MDH1B: variants seen among roughly 807,000 people sequenced by gnomAD.
MDH1B encodes the protein putative malate dehydrogenase 1B.
Under a neutral mutation model 61.4 loss-of-function variants are expected in MDH1B, and 60 were observed. That is an observed-to-expected ratio of 0.98 (90% CI 0.79 to 1.21). The LOEUF is 1.21. Among genes scored for constraint, MDH1B ranks in the 50% most tolerant of loss-of-function variants. The pLI, the probability that MDH1B is intolerant of heterozygous loss-of-function variation, is 0.00. For missense variants in MDH1B, 587 were observed against 632.1 expected (o/e 0.93, Z 0.76); for synonymous variants, 236 against 218.7 (o/e 1.08, Z -0.70).
intron 2 of MDH1B, among the ~76,000 whole-genome samples, chr2:206,759,794 G>A (rs1377382631): frequency 1.3e-5 from 2 of 152,168 alleles, no homozygotes; most frequent in Non-Finnish European, 2.9e-5. Context: ...TGAAACAATA[G>A]AGGCCAGTGG....
At position 206,757,028 on chromosome 2, in the gene MDH1B, CA is replaced by C. The variant is rs1559346864; in HGVS notation, c.282del (p.Asp94GlufsTer6). On this transcript the variant is annotated frameshift_variant, in exon 4 of 12. Transcript: ENST00000374412. LOFTEE classifies it high-confidence loss of function. ...EFLEHAQLYY[D>X]VTSSMTTELM... ...AGTTCAGTCGTCATGCTAGAGGTGA[CA>C]TCATAGTAAAGCTAAATATTGGGAG... 2.5e-6 allele frequency: 4 copies of C among 1,613,218 alleles called. No homozygotes were observed. The highest frequency in any genetic ancestry group is 2.5e-6 in the Non-Finnish European group (3 of 1,179,462).
chr2:206,738,417 T>G lies in MDH1B; in HGVS notation c.*66A>C. On this transcript the variant is annotated 3_prime_UTR_variant, in exon 12 of 12. Coordinates refer to ENST00000374412, the MANE Select transcript of MDH1B (RefSeq NM_001039845.3). ...ATTATTCTTCCTTAAATATAGACATTCATATAAATTCTTTCTATGTTTATT... is the reference window on the plus strand; with the variant it reads ...ATTATTCTTCCTTAAATATAGACATGCATATAAATTCTTTCTATGTTTATT... 8.6e-7 allele frequency: 1 copy of G among 1,156,436 alleles called. No homozygotes were observed. Among genetic ancestry groups the G allele is most frequent in the Non-Finnish European group, 1.2e-6 (1 of 802,146 alleles). 71.6% of individuals were successfully genotyped at this position (1,156,436 alleles called of 1,614,324 possible).
At chr2:206,759,971 T>C (rs1688996591) in intron 2 of MDH1B, among the ~76,000 whole-genome samples, 1 of 152,214 alleles carries the variant, frequency 6.6e-6, no homozygotes, top group Admixed American at 6.5e-5. Context: ...CCTGAAACTA[T>C]GAGCAGTGGA....
At chr2:206,762,616 C>T (rs867734087) in intron 1 of MDH1B, among the ~76,000 whole-genome samples, 4 of 152,190 alleles carry the variant, frequency 2.6e-5, no homozygotes, top group African/African-American at 4.8e-5. Context: ...TATTGCCTTT[C>T]GTATGTCCTT....
chr2:206,751,622 A>G (rs904467416), intron 5 of MDH1B, among the ~76,000 whole-genome samples: 1 of 152,198 alleles, frequency 6.6e-6, no homozygotes, highest in Admixed American at 6.5e-5. Context: ...ATTCTATTCT[A>G]TGTGTGAGAC....
At chr2:206,755,781 C>A (rs1245496291) in intron 4 of MDH1B, among the ~76,000 whole-genome samples, 2 of 152,010 alleles carry the variant, frequency 1.3e-5, no homozygotes, top group African/African-American at 2.4e-5. Context: ...TCCCCCTATG[C>A]AGAAATCAAA....
Position 206,756,917 on chromosome 2 carries a change from AG to A in MDH1B, c.393del (p.Leu132CysfsTer16). 1 of 1,614,148 alleles carries A rather than the reference AG, an allele frequency of 6.2e-7. No individual in the cohort carries two copies. The highest frequency in any genetic ancestry group is 8.5e-7 in the Non-Finnish European group (1 of 1,180,022). ...TCCCACCTGGTGATCCAGACCTGCAAGGGGTTGATGCAAGTTTTCAGGGCTT... is the reference window on the plus strand; with the variant it reads ...TCCCACCTGGTGATCCAGACCTGCAAGGGTTGATGCAAGTTTTCAGGGCTT... Reference protein sequence around the residue: ...EEEALKTCINPLQVWITSASA... With the variant: ...EEEALKTCINXLQVWITSASA... On this transcript the variant is annotated frameshift_variant, in exon 4 of 12. Transcript: ENST00000374412. LOFTEE classifies it high-confidence loss of function.
At chr2:206,744,982 T>G (rs1688021449) in intron 9 of MDH1B, among the ~76,000 whole-genome samples, 1 of 151,664 alleles carries the variant, frequency 6.6e-6, no homozygotes, top group Non-Finnish European at 1.5e-5. Flanking sequence ...TCCTAACGCC[T>G]GGTACCTATG....
chr2:206,742,182 C>CT (rs751556723), intron 9 of MDH1B, among the ~76,000 whole-genome samples: 5 of 152,150 alleles, frequency 3.3e-5, no homozygotes, highest in Non-Finnish European at 5.9e-5. Context: ...GTCTTATCTC[C>CT]TGTAGAGAAA....
At chr2:206,738,553 A>C (rs373054513) in intron 11 of MDH1B, 42 bp from the exon 12 acceptor site, 80 of 1,417,726 alleles carry the variant, frequency 5.6e-5, no homozygotes, top group Non-Finnish European at 6.2e-5. Flanking sequence ...TATTTCCAAA[A>C]TATGTTAGTA....
At chr2:206,742,448 C>T (rs922394448) in intron 9 of MDH1B, among the ~76,000 whole-genome samples, 1 of 152,152 alleles carries the variant, frequency 6.6e-6, no homozygotes, top group Admixed American at 6.5e-5. Flanking sequence ...GTGGCAACAT[C>T]CCCTCCCTGA....
rs1370839463 is a variant in MDH1B, at chr2:206,755,248, G to C, written c.671C>G (p.Thr224Ser). Residue 224 changes from threonine to serine, a missense_variant, in exon 5 of 12, where the codon ACT becomes AGT. Physicochemically the swap from Thr to Ser is moderately conservative, Grantham distance 58 (BLOSUM62 1). Coordinates refer to ENST00000374412, the MANE Select transcript of MDH1B (RefSeq NM_001039845.3). ...LDDSTNKEVF[T>S]LEDCLRSRVP... is the part of the protein sequence containing the mutation. ...CCTGCTTCGGAGGCAGTCCTCCAGA[G>C]TGAACACCTCCTTGTTGGTGCTGTC... 1 of 1,614,168 alleles carries C rather than the reference G, an allele frequency of 6.2e-7. No homozygotes were observed. Among genetic ancestry groups the C allele is most frequent in the Admixed American group, 1.7e-5 (1 of 60,032 alleles).
At chr2:206,747,890 A>T (rs1204804272) in intron 7 of MDH1B, among the ~76,000 whole-genome samples, 1 of 151,496 alleles carries the variant, frequency 6.6e-6, no homozygotes, top group Non-Finnish European at 1.5e-5. Flanking sequence ...AGTCTGGTAT[A>T]TGTTGGATGG....
At chr2:206,747,724 C>A (rs7568966) in intron 7 of MDH1B, among the ~76,000 whole-genome samples, 4 of 152,058 alleles carry the variant, frequency 2.6e-5, no homozygotes, top group Non-Finnish European at 5.9e-5. Context: ...TGTGGGGATA[C>A]GGAGGAGAGA....
chr2:206,756,002 T>C (rs1263374783), intron 4 of MDH1B, among the ~76,000 whole-genome samples: 1 of 151,874 alleles, frequency 6.6e-6, no homozygotes, highest in Non-Finnish European at 1.5e-5. Context: ...ACATAGGCTA[T>C]GTAAGGTGTA....
chr2:206,739,699 A>G (rs755069461), intron 10 of MDH1B, 38 bp from the exon 11 acceptor site: 4 of 1,589,444 alleles, frequency 2.5e-6, no homozygotes, highest in South Asian at 2.2e-5. Flanking sequence ...TTAGTATGTA[A>G]AGCGCAATAA....
chr2:206,738,623 G>A, intron 11 of MDH1B, 112 bp from the exon 12 acceptor site: 2 of 677,532 alleles, frequency 3.0e-6, no homozygotes, highest in South Asian at 2.3e-5. Flanking sequence ...TTCAATAGCT[G>A]AGAAAGTGCA....
At chr2:206,750,870 G>T in intron 6 of MDH1B, 64 bp downstream of exon 6, 1 of 1,329,034 alleles carries the variant, frequency 7.5e-7, no homozygotes, top group Non-Finnish European at 1.0e-6. Context: ...TGATTTAAAA[G>T]ATTACAACCA....
At chr2:206,745,227 A>G (rs1221769760) in intron 9 of MDH1B, 10 of 329,654 alleles carry the variant, frequency 3.0e-5, no homozygotes, top group Non-Finnish European at 1.2e-5. Flanking sequence ...AGAAAAAGCA[A>G]GAAGGAATTC....
Sources: allele counts gnomAD v4.1 joint callset (sites outside exome capture counted in the v4.1 genomes callset), GRCh38; gene constraint gnomAD v4.1.1; transcripts MANE v1.5; gene names NCBI Gene and HGNC (gene_info 2026-07-23, HGNC 2026-07-21).